GPHN: variants seen among roughly 807,000 people sequenced by gnomAD.
GPHN encodes gephyrin.
Under a neutral mutation model 95.5 loss-of-function variants are expected in GPHN, and 17 were observed. The ratio of observed to expected loss-of-function variants is 0.18; its 90% confidence interval spans 0.12 to 0.27. The LOEUF (loss-of-function observed/expected upper bound fraction) is 0.27. Among genes scored for constraint, GPHN ranks in the 10% least tolerant of loss-of-function variants. The probability of loss-of-function intolerance (pLI) is 1.00; values close to 1 mark genes in which losing one functional copy is unlikely to be tolerated. For synonymous variants in GPHN, 320 were observed against 322.5 expected (o/e 0.99, Z 0.08); for missense variants, 660 against 978.1 (o/e 0.67, Z 4.34).
At chr14:67,005,434 A>G (rs2072533637) in intron 9 of GPHN, among the ~76,000 whole-genome samples, 1 of 151,966 alleles carries the variant, frequency 6.6e-6, no homozygotes, top group South Asian at 2.1e-4. Flanking sequence ...TTTTTCTACA[A>G]TGTACTCCAT....
chr14:67,134,953 C>CTTTTTTTTTTTTTT (rs57933607), intron 17 of GPHN, among the ~76,000 whole-genome samples: 13 of 45,254 alleles, frequency 2.9e-4, no homozygotes, highest in Non-Finnish European at 3.8e-4. Context: ...TTTCTTTCTT[C>CTTTTTTTTTTTTTT]TTTTTTTTTT....
chr14:67,162,785 C>T (rs866234453), intron 19 of GPHN, among the ~76,000 whole-genome samples: 17 of 152,152 alleles, frequency 1.1e-4, no homozygotes, highest in South Asian at 4.1e-4. Context: ...CATGTACTAA[C>T]GCTACATAAC....
At chr14:67,094,659 T>TA (rs908101384) in intron 12 of GPHN, among the ~76,000 whole-genome samples, 5 of 152,170 alleles carry the variant, frequency 3.3e-5, no homozygotes, top group African/African-American at 1.2e-4. Flanking sequence ...TGCAACTTTT[T>TA]AAAACCTGTT....
At position 66,662,129 on chromosome 14, in the gene GPHN, G is replaced by A. The variant is rs2065697388; in HGVS notation, c.65-18978G>A. On this transcript the variant is annotated intron_variant, in intron 1 of 22. Coordinates refer to ENST00000478722, the MANE Select transcript of GPHN (RefSeq NM_020806.5). The stretch of plus-strand genomic sequence containing the variant: ...CCCAAGCTAACTAGGGGCAGAAGTG[G>A]TACACCCACACAGCACAGCTGCTTT... 2.6e-5 allele frequency among the ~76,000 whole-genome samples: 4 copies of A among 152,100 alleles called. No homozygotes were observed. The South Asian group carries it at 8.3e-4, about 32-fold the overall frequency.
chr14:66,598,240 A>G (rs774898668), intron 1 of GPHN, among the ~76,000 whole-genome samples: 1 of 152,208 alleles, frequency 6.6e-6, no homozygotes, highest in Admixed American at 6.5e-5. Flanking sequence ...AATATGTTGT[A>G]TATTTGAAAA....
chr14:66,796,082 A>G (rs2060147017), intron 3 of GPHN, among the ~76,000 whole-genome samples: 1 of 152,096 alleles, frequency 6.6e-6, no homozygotes, highest in Non-Finnish European at 1.5e-5. Context: ...AGTGAGAGCA[A>G]TGTTTTTCTT....
At chr14:66,631,826 T>G (rs1335804374) in intron 1 of GPHN, among the ~76,000 whole-genome samples, 1 of 152,198 alleles carries the variant, frequency 6.6e-6, no homozygotes, top group Non-Finnish European at 1.5e-5. Context: ...AGAATCTTCA[T>G]TAACATTTTT....
chr14:67,388,183 G>T, the GPHN span: 13 of 1,285,126 alleles, frequency 1.0e-5, no homozygotes, highest in African/African-American at 1.5e-5. Context: ...CAGGAGGGAG[G>T]CCCCTGAGAT....
intron 9 of GPHN, among the ~76,000 whole-genome samples, chr14:66,992,257 A>G (rs1270892769): frequency 6.6e-6 from 1 of 152,190 alleles, no homozygotes; most frequent in Non-Finnish European, 1.5e-5. Context: ...TCATGAAGAC[A>G]GATTACTGGC....
At chr14:66,722,040 A>G (rs553614207) in intron 2 of GPHN, among the ~76,000 whole-genome samples, 1 of 151,850 alleles carries the variant, frequency 6.6e-6, no homozygotes, top group South Asian at 2.1e-4. Context: ...AAACACTAGA[A>G]TCACACATCA....
the GPHN span, among the ~76,000 whole-genome samples, chr14:67,212,538 C>T: frequency 6.9e-6 from 1 of 145,628 alleles, no homozygotes; most frequent in Non-Finnish European, 1.5e-5. Flanking sequence ...CTGCAGTGAG[C>T]CATGATAGAG....
chr14:67,589,881 T>C, the GPHN span: 1 of 1,228,228 alleles, frequency 8.1e-7, no homozygotes, highest in East Asian at 3.2e-5. Flanking sequence ...GGCAAAACCT[T>C]ACAAGGAAAA....
chr14:67,578,434 G>A, the GPHN span: 1 of 943,662 alleles, frequency 1.1e-6, no homozygotes, highest in Non-Finnish European at 1.7e-6. The surrounding 1 kb of genome is among the most constrained non-coding windows in gnomAD (Gnocchi z 5.0). Context: ...GGGGGCTCTG[G>A]TTTGGGGAAA....
At chr14:67,585,685 C>T in the GPHN span, 2 of 1,401,346 alleles carry the variant, frequency 1.4e-6, no homozygotes, top group South Asian at 1.2e-5. Flanking sequence ...CTCCCTGACC[C>T]CTCCTCTTCC....
chr14:66,690,964 G>A (rs1019081207), intron 2 of GPHN, among the ~76,000 whole-genome samples: 1 of 151,996 alleles, frequency 6.6e-6, no homozygotes, highest in East Asian at 1.9e-4. Flanking sequence ...TGTATTATTC[G>A]AACTCCTATA....
At chr14:66,613,684 C>T (rs1038406491) in intron 1 of GPHN, among the ~76,000 whole-genome samples, 1 of 151,710 alleles carries the variant, frequency 6.6e-6, no homozygotes, top group South Asian at 2.1e-4. Context: ...TGTATATGTT[C>T]TTATTTTTCT....
intron 5 of GPHN, among the ~76,000 whole-genome samples, chr14:66,906,993 A>C (rs1444728191): frequency 6.6e-6 from 1 of 152,166 alleles, no homozygotes; most frequent in African/African-American, 2.4e-5. Context: ...GAGTTCTTCT[A>C]TATGCTTGCT....
At chr14:67,134,978 T>TTG (rs1282603333) in intron 17 of GPHN, among the ~76,000 whole-genome samples, 22 of 139,752 alleles carry the variant, frequency 1.6e-4, no homozygotes, top group African/African-American at 5.8e-4. Flanking sequence ...TTTTTTTTTT[T>TTG]TGACAGAGTC....
chr14:67,008,228 C>A (rs763407330), intron 9 of GPHN, among the ~76,000 whole-genome samples: 2 of 151,866 alleles, frequency 1.3e-5, no homozygotes, highest in Non-Finnish European at 2.9e-5. Flanking sequence ...CCAAGGCGGG[C>A]GGATCACGAG....
Sources: allele counts gnomAD v4.1 joint callset (sites outside exome capture counted in the v4.1 genomes callset), GRCh38; gene constraint gnomAD v4.1.1; non-coding constraint Gnocchi (gnomAD v3.1); transcripts MANE v1.5; gene names NCBI Gene and HGNC (gene_info 2026-07-23, HGNC 2026-07-21).